GLRB: variants seen among roughly 807,000 people sequenced by gnomAD.
GLRB encodes glycine receptor subunit beta.
In GLRB, 33 loss-of-function variants were observed where a neutral mutation model predicts 54.2. The observed-to-expected ratio is 0.61, with a 90% CI of 0.46 to 0.81. The LOEUF (loss-of-function observed/expected upper bound fraction) is 0.81, where lower values mean the gene tolerates loss of function less well. Among genes scored for constraint, GLRB ranks in the 40% least tolerant of loss-of-function variants. The pLI, the probability that GLRB is intolerant of heterozygous loss-of-function variation, is 0.00. For missense variants in GLRB, 572 were observed against 584.6 expected (o/e 0.98, Z 0.22); for synonymous variants, 209 against 208.2 (o/e 1.00, Z -0.03).
intron 4 of GLRB, among the ~76,000 whole-genome samples, chr4:157,125,437 A>T (rs756387463): frequency 2.6e-5 from 4 of 151,844 alleles, no homozygotes; most frequent in Non-Finnish European, 5.9e-5. Context: ...AAACAACGGT[A>T]TTTTGACTGG....
Position 157,143,974 on chromosome 4 carries a change from G to A in GLRB, c.904+15G>A, listed in dbSNP as rs1413234319. On this transcript the variant is annotated intron_variant, in intron 8 of 9. Coordinates refer to ENST00000264428, the MANE Select transcript of GLRB (RefSeq NM_000824.5). ...AGTGCCCCTGGGTAAGGTGTTCCAT[G>A]CTTTTTTGTCACATCAGGAACAGAT... 4 of 1,612,070 alleles carry A rather than the reference G, an allele frequency of 2.5e-6. No individual in the cohort carries two copies. The Admixed American group carries it at 5.0e-5, about 20-fold the overall frequency.
intron 2 of GLRB, among the ~76,000 whole-genome samples, chr4:157,091,816 G>A (rs1360191003): frequency 2.0e-5 from 3 of 152,044 alleles, no homozygotes; most frequent in South Asian, 2.1e-4. Flanking sequence ...TGATCTCTTC[G>A]TGACACTATT....
chr4:157,140,233 A>G (rs965006463), intron 7 of GLRB, among the ~76,000 whole-genome samples: 11 of 152,026 alleles, frequency 7.2e-5, no homozygotes, highest in African/African-American at 1.2e-4. Flanking sequence ...AAAGTATTCA[A>G]TGAAGAAGTC....
intron 7 of GLRB, 134 bp downstream of exon 7, chr4:157,139,083 C>T: frequency 1.7e-6 from 1 of 579,334 alleles, no homozygotes; most frequent in East Asian, 2.9e-5. Context: ...TCTTTACATT[C>T]ATATGTTTAA....
chr4:157,105,466 T>C (rs770434170), intron 2 of GLRB, among the ~76,000 whole-genome samples: 9 of 152,090 alleles, frequency 5.9e-5, no homozygotes, highest in Admixed American at 3.3e-4. Flanking sequence ...GAATGTTCCA[T>C]GTCTTCTTGA....
intron 9 of GLRB, among the ~76,000 whole-genome samples, chr4:157,154,121 T>G (rs1325897732): frequency 6.6e-6 from 1 of 152,232 alleles, no homozygotes; most frequent in African/African-American, 2.4e-5. Flanking sequence ...CTGCCTTTCA[T>G]GAAGAATAAG....
intron 4 of GLRB, among the ~76,000 whole-genome samples, chr4:157,135,992 T>C (rs1429441318): frequency 6.6e-6 from 1 of 152,168 alleles, no homozygotes; most frequent in Non-Finnish European, 1.5e-5. Context: ...GTTTTAGTCT[T>C]AGACATTCTT....
intron 2 of GLRB, among the ~76,000 whole-genome samples, chr4:157,089,934 A>G (rs564730975): frequency 6.6e-6 from 1 of 152,312 alleles, no homozygotes; most frequent in African/African-American, 2.4e-5. Context: ...TTTCACTTTC[A>G]TCATCTCATC....
intron 4 of GLRB, among the ~76,000 whole-genome samples, chr4:157,131,115 T>C (rs997074740): frequency 9.9e-5 from 15 of 151,690 alleles, no homozygotes; most frequent in African/African-American, 3.1e-4. Flanking sequence ...CCCTAATCAA[T>C]AGAAAGTAGC....
In GLRB at chr4:157,152,702, C is replaced by CT. The variant is rs1737068622; in HGVS notation, c.905-13dup. 1 of 1,609,470 alleles carries CT rather than the reference C, an allele frequency of 6.2e-7. No homozygotes were observed. The highest frequency in any genetic ancestry group is 1.3e-5 in the African/African-American group (1 of 74,804). ...GGGATAAAAAGCAACTTTCATTCCTCTTTCTGTTTCTGTAGGTATCTTCTC... is the reference window on the plus strand; with the variant it reads ...GGGATAAAAAGCAACTTTCATTCCTCTTTTCTGTTTCTGTAGGTATCTTCTC... On this transcript the variant is annotated splice_polypyrimidine_tract_variant and intron_variant, in intron 8 of 9. Coordinates refer to ENST00000264428, the MANE Select transcript of GLRB (RefSeq NM_000824.5).
chr4:157,131,734 A>G (rs950779747), intron 4 of GLRB, among the ~76,000 whole-genome samples: 2 of 151,832 alleles, frequency 1.3e-5, no homozygotes, highest in Non-Finnish European at 2.9e-5. Flanking sequence ...TTAATGTTTC[A>G]CCATATCTTC....
At chr4:157,118,275 A>C (rs1241095358) in intron 2 of GLRB, among the ~76,000 whole-genome samples, 1 of 151,702 alleles carries the variant, frequency 6.6e-6, no homozygotes, top group Non-Finnish European at 1.5e-5. Context: ...GATCCAATAC[A>C]AGTGTATTTT....
chr4:157,163,665 T>C (rs147212836), intron 9 of GLRB, among the ~76,000 whole-genome samples: 12 of 152,270 alleles, frequency 7.9e-5, no homozygotes, highest in African/African-American at 2.9e-4. Flanking sequence ...TTTTTATGTC[T>C]GTACCCATTG....
At chr4:157,158,022 C>A (rs1350431567) in intron 9 of GLRB, among the ~76,000 whole-genome samples, 1 of 152,102 alleles carries the variant, frequency 6.6e-6, no homozygotes, top group Non-Finnish European at 1.5e-5. Context: ...CTTTAATGAT[C>A]ACCATTCTAA....
intron 8 of GLRB, among the ~76,000 whole-genome samples, chr4:157,151,596 G>T (rs1171121085): frequency 5.3e-5 from 8 of 152,024 alleles, no homozygotes; most frequent in African/African-American, 1.9e-4. Flanking sequence ...CTAATAGAGA[G>T]TATCTTAGGT....
intron 3 of GLRB, among the ~76,000 whole-genome samples, chr4:157,122,106 A>G (rs964119092): frequency 1.3e-5 from 2 of 149,964 alleles, no homozygotes; most frequent in South Asian, 2.1e-4. Context: ...AAAAAAAAAC[A>G]TTATAAAATA....
At chr4:157,160,601 C>T (rs7669633) in intron 9 of GLRB, among the ~76,000 whole-genome samples, 63,779 of 151,358 alleles carry the variant, frequency 0.42, 15,904 homozygotes, top group African/African-American at 0.7. Flanking sequence ...CCAGTAGTCA[C>T]TCAGGAGCAG....
At chr4:157,113,778 G>A (rs1735505824) in intron 2 of GLRB, among the ~76,000 whole-genome samples, 1 of 151,846 alleles carries the variant, frequency 6.6e-6, no homozygotes, top group African/African-American at 2.4e-5. Flanking sequence ...ATAATAACAT[G>A]ACAGACTTTG....
chr4:157,128,293 C>A (rs946993039), intron 4 of GLRB, among the ~76,000 whole-genome samples: 2 of 151,542 alleles, frequency 1.3e-5, no homozygotes. Context: ...GGATACTTTC[C>A]TCATTACCTT....
Sources: gnomAD v4.1 joint callset for allele counts (sites outside exome capture counted in the v4.1 genomes callset) on GRCh38, gnomAD v4.1.1 for gene constraint, MANE v1.5 for transcripts, NCBI Gene and HGNC (gene_info 2026-07-23, HGNC 2026-07-21) for gene names.